Variants in FAM78B observed in about 807,000 individuals in gnomAD.
The protein encoded by FAM78B is family with sequence similarity 78 member B, also known as protein FAM78B.
A neutral mutation model predicts 20.0 loss-of-function variants in FAM78B; 10 were observed. The observed-to-expected ratio is 0.50, with a 90% CI of 0.31 to 0.85. The LOEUF is 0.85. Among genes scored for constraint, FAM78B ranks in the 40% least tolerant of loss-of-function variants. FAM78B has a pLI of 0.05. For synonymous variants in FAM78B, 135 were observed against 132.8 expected (o/e 1.02, Z -0.12); for missense variants, 283 against 345.0 (o/e 0.82, Z 1.42).
intron 1 of FAM78B, among the ~76,000 whole-genome samples, chr1:166,108,749 G>C (rs935709965): frequency 3.3e-5 from 5 of 152,220 alleles, no homozygotes; most frequent in Admixed American, 3.3e-4. Flanking sequence ...CACACTACCT[G>C]ATTTCAAACT....
At chr1:166,109,896 A>ATGTG (rs1274757469) in intron 1 of FAM78B, among the ~76,000 whole-genome samples, 1,786 of 59,946 alleles carry the variant, frequency 0.03, 203 homozygotes, top group African/African-American at 0.096. Context: ...ATATGTATAT[A>ATGTG]TATATATATA....
chr1:166,140,353 T>C (rs947272620), intron 1 of FAM78B, among the ~76,000 whole-genome samples: 1 of 152,114 alleles, frequency 6.6e-6, no homozygotes, highest in Non-Finnish European at 1.5e-5. Context: ...AGGATTTGGA[T>C]TGGATGGTGG....
intron 1 of FAM78B, among the ~76,000 whole-genome samples, chr1:166,092,878 C>T (rs1176107071): frequency 1.3e-5 from 2 of 152,146 alleles, no homozygotes; most frequent in Non-Finnish European, 2.9e-5. Flanking sequence ...GTTAAATCCT[C>T]CCAACAATGT....
intron 1 of FAM78B, among the ~76,000 whole-genome samples, chr1:166,120,172 C>T (rs554330390): frequency 6.6e-6 from 1 of 152,326 alleles, no homozygotes; most frequent in Admixed American, 6.5e-5. Flanking sequence ...GTGCTGGGGG[C>T]TTTACATATG....
chr1:166,088,489 T>C (rs1652927554), intron 1 of FAM78B, among the ~76,000 whole-genome samples: 2 of 152,164 alleles, frequency 1.3e-5, no homozygotes, highest in African/African-American at 4.8e-5. Context: ...CTCAGCAGCA[T>C]GACTGTCACG....
At chr1:166,091,105 C>T (rs1011457115) in intron 1 of FAM78B, among the ~76,000 whole-genome samples, 4 of 152,166 alleles carry the variant, frequency 2.6e-5, no homozygotes, top group African/African-American at 9.7e-5. Flanking sequence ...GCAGCATGAA[C>T]AATGGCCTCA....
intron 1 of FAM78B, among the ~76,000 whole-genome samples, chr1:166,103,925 C>T (rs1455765234): frequency 1.3e-5 from 2 of 152,126 alleles, no homozygotes; most frequent in East Asian, 1.9e-4. Flanking sequence ...GACCAATATC[C>T]CTGAGGAACA....
At chr1:166,116,722 A>C (rs1245004803) in intron 1 of FAM78B, among the ~76,000 whole-genome samples, 3 of 152,242 alleles carry the variant, frequency 2.0e-5, no homozygotes, top group Non-Finnish European at 4.4e-5. Flanking sequence ...GTTGTCCTAC[A>C]GTAATCTTAC....
At chr1:166,129,901 C>T (rs1654812090) in intron 1 of FAM78B, among the ~76,000 whole-genome samples, 1 of 152,192 alleles carries the variant, frequency 6.6e-6, no homozygotes. Flanking sequence ...GGACAATGAA[C>T]ACATTTGGCA....
At chr1:166,091,397 A>G (rs548629152) in intron 1 of FAM78B, among the ~76,000 whole-genome samples, 1 of 152,156 alleles carries the variant, frequency 6.6e-6, no homozygotes, top group African/African-American at 2.4e-5. Flanking sequence ...ATGATGGTGA[A>G]TAAGTCTCAC....
chr1:166,147,597 G>C (rs1396145413), intron 1 of FAM78B, among the ~76,000 whole-genome samples: 1 of 152,088 alleles, frequency 6.6e-6, no homozygotes. Flanking sequence ...GTGCAAGCAA[G>C]CAGGATTTGA....
chr1:166,134,801 T>C (rs1254248885), intron 1 of FAM78B, among the ~76,000 whole-genome samples: 3 of 152,212 alleles, frequency 2.0e-5, no homozygotes, highest in African/African-American at 7.2e-5. Flanking sequence ...TTTATATCTG[T>C]CATCCATGAT....
At chr1:166,078,714 G>A (rs1182612993) in intron 1 of FAM78B, among the ~76,000 whole-genome samples, 1 of 152,070 alleles carries the variant, frequency 6.6e-6, no homozygotes, top group Non-Finnish European at 1.5e-5. Flanking sequence ...GGGAGAGGCT[G>A]GCAGCAACAT....
intron 1 of FAM78B, among the ~76,000 whole-genome samples, chr1:166,077,672 A>G (rs58590080): frequency 0.15 from 21,580 of 140,718 alleles, 1,894 homozygotes; most frequent in African/African-American, 0.23. Flanking sequence ...AATACATATA[A>G]TTATATATTT....
chr1:166,144,379 A>G (rs1239443860), intron 1 of FAM78B, among the ~76,000 whole-genome samples: 1 of 152,208 alleles, frequency 6.6e-6, no homozygotes, highest in Non-Finnish European at 1.5e-5. Flanking sequence ...AGATGGCAAT[A>G]CATTTGTAGG....
intron 1 of FAM78B, among the ~76,000 whole-genome samples, chr1:166,162,037 AG>A (rs1189605812): frequency 6.6e-6 from 1 of 152,258 alleles, no homozygotes; most frequent in Non-Finnish European, 1.5e-5. Flanking sequence ...ATGGAGTTAC[AG>A]GAACAGCGGA....
intron 1 of FAM78B, among the ~76,000 whole-genome samples, chr1:166,099,054 G>A (rs563395437): frequency 1.0e-3 from 157 of 152,318 alleles, no homozygotes; most frequent in African/African-American, 3.7e-3. Context: ...TTTCTCAGCA[G>A]AAACCCTACA....
intron 1 of FAM78B, among the ~76,000 whole-genome samples, chr1:166,160,698 G>A (rs1343520397): frequency 6.6e-6 from 1 of 152,164 alleles, no homozygotes; most frequent in African/African-American, 2.4e-5. Flanking sequence ...GACTATTTGA[G>A]GTCAGAAAAA....
At chr1:166,132,849 C>T (rs907191999) in intron 1 of FAM78B, among the ~76,000 whole-genome samples, 1 of 152,218 alleles carries the variant, frequency 6.6e-6, no homozygotes, top group African/African-American at 2.4e-5. Flanking sequence ...ACAGTACCAG[C>T]TTATGAGTGT....
Sources: gnomAD v4.1 joint callset for allele counts (sites outside exome capture counted in the v4.1 genomes callset) on GRCh38, gnomAD v4.1.1 for gene constraint, MANE v1.5 for transcripts, NCBI Gene and HGNC (gene_info 2026-07-23, HGNC 2026-07-21) for gene names.